The following SEMA4D variants were observed in gnomAD, a reference collection of about 807,000 sequenced individuals.
SEMA4D encodes semaphorin-4D.
SEMA4D carries 22 observed loss-of-function variants against 74.8 expected under a neutral mutation model. That is an observed-to-expected ratio of 0.29 (90% confidence interval 0.21 to 0.42). The LOEUF (loss-of-function observed/expected upper bound fraction) is 0.42, where lower values mean the gene tolerates loss of function less well. Ranked by LOEUF, SEMA4D falls within the 10% of genes least tolerant of loss-of-function variation. SEMA4D has a pLI of 1.00. For synonymous variants in SEMA4D, 445 were observed against 463.7 expected (o/e 0.96, Z 0.52); for missense variants, 937 against 1,118.4 (o/e 0.84, Z 2.31).
In SEMA4D at chr9:89,378,494, A is replaced by G. The variant is rs1299151903; in HGVS notation, c.*210T>C. The stretch of plus-strand genomic sequence containing the variant: ...ACTTCGGAACACAAGACTGGGATGC[A>G]ATGCTTGTCATTTTTCCAAAAGGAC... On this transcript the variant is annotated 3_prime_UTR_variant, in exon 16 of 16. Coordinates refer to ENST00000422704, the MANE Select transcript of SEMA4D (RefSeq NM_001371194.2). 2 of 564,936 alleles carry G rather than the reference A, an allele frequency of 3.5e-6. No individual in the cohort carries two copies. Among genetic ancestry groups the G allele is most frequent in the African/African-American group, 1.9e-5 (1 of 53,240 alleles). 35.0% of individuals were successfully genotyped at this position (564,936 alleles called of 1,614,324 possible). A position where few individuals can be genotyped will look rare whatever the true frequency, so the allele number is the denominator to read the frequency against.
chr9:89,370,314 T>C (rs1344103592), intron 16 of SEMA4D, among the ~76,000 whole-genome samples: 18 of 151,094 alleles, frequency 1.2e-4, no homozygotes, highest in Non-Finnish European at 2.9e-5. Flanking sequence ...TGTTATGTCG[T>C]GTGTGTGTGT....
chr9:89,460,574 G>A (rs544986794), intron 1 of SEMA4D, among the ~76,000 whole-genome samples: 2 of 152,362 alleles, frequency 1.3e-5, no homozygotes, highest in East Asian at 3.9e-4. Context: ...TCTGCCTCCT[G>A]GAAGACCGGT....
chr9:89,413,633 A>C (rs151127005), intron 2 of SEMA4D, among the ~76,000 whole-genome samples: 1 of 152,358 alleles, frequency 6.6e-6, no homozygotes, highest in Non-Finnish European at 1.5e-5. Context: ...GTCTGTGTGC[A>C]TACATATGTA....
At chr9:89,403,972 A>G (rs2133685957) in intron 3 of SEMA4D, among the ~76,000 whole-genome samples, 1 of 152,224 alleles carries the variant, frequency 6.6e-6, no homozygotes, top group Non-Finnish European at 1.5e-5. Flanking sequence ...TTTCTGTTCT[A>G]ATTTTCCCAT....
At chr9:89,388,053 G>A (rs912176003) in intron 11 of SEMA4D, among the ~76,000 whole-genome samples, 2 of 152,190 alleles carry the variant, frequency 1.3e-5, no homozygotes, top group South Asian at 2.1e-4. Context: ...CTGTGACCAT[G>A]AGTGAACACA....
rs111818272 is a variant in SEMA4D at position 89,484,988 on chromosome 9, T to TTGTGTG, written c.-310+12925_-310+12930dup. Among the ~76,000 whole-genome samples, 858 of 149,814 alleles carry TTGTGTG rather than the reference T, an allele frequency of 5.7e-3. 7 individuals are homozygous for TTGTGTG. Among genetic ancestry groups the TTGTGTG allele is most frequent in the African/African-American group, 0.019 (754 of 40,712 alleles). On this transcript the variant is annotated intron_variant, in intron 1 of 15. Coordinates refer to ENST00000422704, the MANE Select transcript of SEMA4D (RefSeq NM_001371194.2). This position sits in a 1 kb window ranked among gnomAD's most constrained non-coding sequence, Gnocchi z 4.1. Reference sequence around the variant, plus strand: ...GGTGGAGGCATATGTGTGTAGTATGTTGTGTGTGTGTGTGTGTGTGTGTTC... The same window carrying TTGTGTG: ...GGTGGAGGCATATGTGTGTAGTATGTTGTGTGTGTGTGTGTGTGTGTGTGTGTGTTC...
rs1824991037 is a variant in SEMA4D at position 89,484,470 on chromosome 9, T to G, written c.-310+13449A>C. ...GTTGTGTGTGTTTTGTGTGTGTGTG[T>G]GGCATGGTATGTGTATGTACCACGT... On this transcript the variant is annotated intron_variant, in intron 1 of 15. Transcript: ENST00000422704. This position sits in a 1 kb window ranked among gnomAD's most constrained non-coding sequence, Gnocchi z 4.1. Among the ~76,000 whole-genome samples the G allele has an allele frequency of 6.6e-6, 1 of 150,846 alleles. No homozygotes were observed. The highest frequency in any genetic ancestry group is 1.5e-5 in the Non-Finnish European group (1 of 67,664).
intron 1 of SEMA4D, among the ~76,000 whole-genome samples, chr9:89,480,996 C>T (rs779771196): frequency 6.6e-6 from 1 of 152,254 alleles, no homozygotes; most frequent in Non-Finnish European, 1.5e-5. Flanking sequence ...TCAGTACATA[C>T]ACACATCCTT....
chr9:89,430,325 C>T (rs1441470210), intron 2 of SEMA4D, among the ~76,000 whole-genome samples: 1 of 152,192 alleles, frequency 6.6e-6, no homozygotes, highest in East Asian at 1.9e-4. Flanking sequence ...CACACTGTGT[C>T]AAGGGGCCTG....
chr9:89,372,436 C>T (rs368678346), downstream of SEMA4D, among the ~76,000 whole-genome samples: 8 of 151,416 alleles, frequency 5.3e-5, no homozygotes, highest in African/African-American at 1.5e-4. Context: ...TGTCCCTGCC[C>T]GTCCTTCACG....
At chr9:89,455,184 C>A (rs1363896754) in intron 2 of SEMA4D, among the ~76,000 whole-genome samples, 1 of 152,272 alleles carries the variant, frequency 6.6e-6, no homozygotes, top group Non-Finnish European at 1.5e-5. Context: ...TGCGGACTCG[C>A]ACCCACATGC....
At chr9:89,422,780 C>T (rs944177414) in intron 2 of SEMA4D, among the ~76,000 whole-genome samples, 7 of 152,200 alleles carry the variant, frequency 4.6e-5, no homozygotes, top group Admixed American at 1.3e-4. Flanking sequence ...GGTCTAGGCA[C>T]CACACAGAGG....
intron 1 of SEMA4D, among the ~76,000 whole-genome samples, chr9:89,471,172 T>A (rs974667100): frequency 6.6e-6 from 1 of 152,076 alleles, no homozygotes; most frequent in Non-Finnish European, 1.5e-5. Flanking sequence ...TTATAGGAGG[T>A]CCCTAGAGTA....
At chr9:89,465,846 G>A (rs1286655299) in intron 1 of SEMA4D, among the ~76,000 whole-genome samples, 2 of 152,240 alleles carry the variant, frequency 1.3e-5, no homozygotes, top group Non-Finnish European at 2.9e-5. Flanking sequence ...TCCATTCAAA[G>A]GCTGCCTATG....
chr9:89,394,660 A>T (rs939947758), intron 6 of SEMA4D, among the ~76,000 whole-genome samples: 2 of 152,238 alleles, frequency 1.3e-5, no homozygotes, highest in Non-Finnish European at 2.9e-5. Flanking sequence ...ACGCTCTCGG[A>T]AGCAGAGCAG....
In SEMA4D at chr9:89,391,427, G is replaced by C; in HGVS notation, c.623-12C>G. 1 of 1,614,146 alleles carries C rather than the reference G, an allele frequency of 6.2e-7. No homozygotes were observed. The highest frequency in any genetic ancestry group is 8.5e-7 in the Non-Finnish European group (1 of 1,179,996). On this transcript the variant is annotated splice_polypyrimidine_tract_variant and intron_variant, in intron 8 of 15. Coordinates refer to ENST00000422704, the MANE Select transcript of SEMA4D (RefSeq NM_001371194.2). The stretch of plus-strand genomic sequence containing the variant: ...CACGAAACTAGGCTCTGCAGAGAGA[G>C]GACAGTGATTATCCCAGAACACAGA...
rs756037139 is a variant in SEMA4D, at chr9:89,387,571, C to G, written c.1145G>C (p.Ser382Thr). The G allele has an allele frequency of 6.2e-7, 1 of 1,614,230 alleles. No individual in the cohort carries two copies. Among genetic ancestry groups the G allele is most frequent in the Non-Finnish European group, 8.5e-7 (1 of 1,180,038 alleles). The change falls in exon 12 of 16, where the codon AGC becomes ACC. Residue 382 changes from serine (S) to threonine (T), a missense_variant. Ser to Thr is a moderately conservative substitution (Grantham distance 58). Transcript: ENST00000422704. The stretch of plus-strand genomic sequence containing the variant: ...CGTCTTGTCTGGCAAATTCAAGGAG[C>G]TGGTGTAGTTGGCGGCCCGTGCCTC... The part of the protein sequence containing the change: ...DSEARAANYT[S>T]SLNLPDKTLQ...
intron 1 of SEMA4D, among the ~76,000 whole-genome samples, chr9:89,480,341 C>T (rs556053702): frequency 1.3e-5 from 2 of 152,408 alleles, no homozygotes; most frequent in East Asian, 3.8e-4. Flanking sequence ...GACTCAGGAG[C>T]CCAGCTGGTT....
intron 1 of SEMA4D, among the ~76,000 whole-genome samples, chr9:89,482,342 C>A (rs942575985): frequency 7.9e-5 from 12 of 152,164 alleles, no homozygotes; most frequent in Admixed American, 2.6e-4. Flanking sequence ...TCTGATCAGA[C>A]AGGCACTTGG....
Sources: allele counts gnomAD v4.1 joint callset (sites outside exome capture counted in the v4.1 genomes callset), GRCh38; gene constraint gnomAD v4.1.1; non-coding constraint Gnocchi (gnomAD v3.1); transcripts MANE v1.5; gene names NCBI Gene and HGNC (gene_info 2026-07-23, HGNC 2026-07-21).